The following PHYHIPL variants were observed in gnomAD, a reference collection of about 807,000 sequenced individuals.
PHYHIPL encodes phytanoyl-CoA 2-hydroxylase interacting protein like.
A neutral mutation model predicts 33.4 loss-of-function variants in PHYHIPL; 9 were observed. That is an observed-to-expected ratio of 0.27 (90% CI 0.16 to 0.47). The LOEUF (loss-of-function observed/expected upper bound fraction) is 0.47. Ranked by LOEUF, PHYHIPL falls within the 20% of genes least tolerant of loss-of-function variation. The pLI, the probability that PHYHIPL is intolerant of heterozygous loss-of-function variation, is 0.99. For synonymous variants in PHYHIPL, 153 were observed against 154.1 expected (o/e 0.99, Z 0.05); for missense variants, 365 against 460.7 (o/e 0.79, Z 1.90).
intron 4 of PHYHIPL, among the ~76,000 whole-genome samples, chr10:59,244,587 G>T (rs1338228657): frequency 4.1e-5 from 2 of 48,832 alleles, no homozygotes; most frequent in Non-Finnish European, 9.8e-5. Flanking sequence ...AAAAAAAAAA[G>T]CCAAAACAAA....
chr10:59,203,737 GT>G (rs1015606355), intron 1 of PHYHIPL, among the ~76,000 whole-genome samples: 68 of 147,430 alleles, frequency 4.6e-4, no homozygotes, highest in African/African-American at 1.7e-3. Context: ...TGGACACAGG[GT>G]GGGGAACATC....
At chr10:59,220,020 C>A (rs1446566478) in intron 1 of PHYHIPL, among the ~76,000 whole-genome samples, 1 of 152,070 alleles carries the variant, frequency 6.6e-6, no homozygotes, top group African/African-American at 2.4e-5. Flanking sequence ...ACCCTAAGTT[C>A]AATGTAGCTT....
At chr10:59,204,724 C>T (rs1290052499) in intron 1 of PHYHIPL, among the ~76,000 whole-genome samples, 1 of 152,042 alleles carries the variant, frequency 6.6e-6, no homozygotes, top group African/African-American at 2.4e-5. Context: ...AGTGCCATCT[C>T]CACTATGCTT....
intron 1 of PHYHIPL, among the ~76,000 whole-genome samples, chr10:59,207,546 A>G (rs1198978629): frequency 6.6e-6 from 1 of 152,202 alleles, no homozygotes; most frequent in Non-Finnish European, 1.5e-5. Context: ...AAGTCGCTGT[A>G]GCCAGACTAC....
intron 1 of PHYHIPL, among the ~76,000 whole-genome samples, chr10:59,230,830 G>T (rs563841468): frequency 1.3e-5 from 2 of 152,144 alleles, no homozygotes; most frequent in South Asian, 2.1e-4. Flanking sequence ...TGGCGGGGGG[G>T]CTTCCAGATC....
intron 3 of PHYHIPL, 71 bp downstream of exon 3, chr10:59,236,728 CTT>C (rs1203207480): frequency 1.5e-6 from 2 of 1,325,624 alleles, no homozygotes; most frequent in Non-Finnish European, 2.0e-6. Context: ...AAAAATATTT[CTT>C]TTTTGTAATT....
At position 59,247,466 on chromosome 10, in the gene PHYHIPL, A is replaced by G; in HGVS notation, c.*1875A>G. 1.1e-6 allele frequency: 1 copy of G among 927,538 alleles called. No individual in the cohort carries two copies. The highest frequency in any genetic ancestry group is 1.5e-5 in the South Asian group (1 of 66,960). 57.5% of individuals were successfully genotyped at this position (927,538 alleles called of 1,614,324 possible). ...AAATCCCTTCTCCTTGTATATAATT[A>G]AACTTGCTATTCCTTCTTAAAAACA... On this transcript the variant is annotated 3_prime_UTR_variant, in exon 5 of 5. Transcript: ENST00000373880.
chr10:59,189,471 A>G (rs1007985555), intron 1 of PHYHIPL, among the ~76,000 whole-genome samples: 1 of 152,030 alleles, frequency 6.6e-6, no homozygotes, highest in African/African-American at 2.4e-5. Flanking sequence ...TTCTTGTTCA[A>G]TGATTAATTT....
chr10:59,233,709 T>C (rs1482281781), intron 1 of PHYHIPL, among the ~76,000 whole-genome samples: 2 of 151,796 alleles, frequency 1.3e-5, no homozygotes, highest in Non-Finnish European at 3.0e-5. Flanking sequence ...GCAGTCATCT[T>C]TTTTCTTTTA....
intron 1 of PHYHIPL, among the ~76,000 whole-genome samples, chr10:59,212,562 A>G (rs868853235): frequency 6.6e-6 from 1 of 152,102 alleles, no homozygotes; most frequent in African/African-American, 2.4e-5. Flanking sequence ...CCGTTAACCA[A>G]TCCAGCTGTT....
rs1482536595 is a variant in PHYHIPL at position 59,247,118 on chromosome 10, G to A, written c.*1527G>A. 6.4e-6 allele frequency: 1 copy of A among 156,396 alleles called. No individual in the cohort carries two copies. The highest frequency in any genetic ancestry group is 1.9e-4 in the East Asian group (1 of 5,298). The allele number at this position is 156,396 out of a possible 1,614,324, so 9.7% of individuals were successfully genotyped here. ...AGACTTAAAGGACAAGGTAGTAAAT[G>A]TTTTATCACTCAAAAATCCATTAGA... is the stretch of plus-strand genomic sequence containing the variant. On this transcript the variant is annotated 3_prime_UTR_variant, in exon 5 of 5. Transcript: ENST00000373880.
chr10:59,224,276 T>A (rs986258287), intron 1 of PHYHIPL, among the ~76,000 whole-genome samples: 1 of 152,146 alleles, frequency 6.6e-6, no homozygotes, highest in Non-Finnish European at 1.5e-5. Context: ...AATGAGCTTC[T>A]AAGAAAAATG....
chr10:59,221,345 G>C (rs2133258668), intron 1 of PHYHIPL, among the ~76,000 whole-genome samples: 1 of 152,032 alleles, frequency 6.6e-6, no homozygotes, highest in Admixed American at 6.5e-5. Flanking sequence ...TGCCATTGCT[G>C]TTTTGGCTTT....
chr10:59,217,479 A>G (rs1294818838), intron 1 of PHYHIPL, among the ~76,000 whole-genome samples: 1 of 151,958 alleles, frequency 6.6e-6, no homozygotes, highest in African/African-American at 2.4e-5. Context: ...ATTTTTCTCT[A>G]TAATATACAA....
At chr10:59,234,714 A>G (rs1386049183) in intron 2 of PHYHIPL, among the ~76,000 whole-genome samples, 1 of 151,836 alleles carries the variant, frequency 6.6e-6, no homozygotes, top group African/African-American at 2.4e-5. Flanking sequence ...ATAATTTTCA[A>G]AAAAAGGTAA....
In PHYHIPL at chr10:59,247,451, T is replaced by C; in HGVS notation, c.*1860T>C. 1.2e-6 allele frequency: 1 copy of C among 817,484 alleles called. No individual in the cohort carries two copies. Among genetic ancestry groups the C allele is most frequent in the Middle Eastern group, 3.2e-4 (1 of 3,138 alleles). The allele number at this position is 817,484 out of a possible 1,614,324, so 50.6% of individuals were successfully genotyped here. On this transcript the variant is annotated 3_prime_UTR_variant, in exon 5 of 5. Coordinates refer to ENST00000373880, the MANE Select transcript of PHYHIPL (RefSeq NM_032439.4). ...TTCTTCCCCCCGTTTAAATCCCTTC[T>C]CCTTGTATATAATTAAACTTGCTAT... is the stretch of plus-strand genomic sequence containing the variant.
At chr10:59,184,918 C>T (rs965898328) in intron 1 of PHYHIPL, among the ~76,000 whole-genome samples, 17 of 148,734 alleles carry the variant, frequency 1.1e-4, no homozygotes, top group South Asian at 2.1e-4. Context: ...TTTGTCCTTG[C>T]GATAGTTTGC....
chr10:59,206,713 C>T (rs1390347498), intron 1 of PHYHIPL: 4 of 947,682 alleles, frequency 4.2e-6, no homozygotes, highest in Non-Finnish European at 5.5e-6. Context: ...TGTAAAAGTA[C>T]ATAACTAAAA....
chr10:59,224,071 A>G (rs1372251995), intron 1 of PHYHIPL, among the ~76,000 whole-genome samples: 1 of 152,152 alleles, frequency 6.6e-6, no homozygotes, highest in Non-Finnish European at 1.5e-5. Flanking sequence ...TTCCAAGTCC[A>G]TGGACTTTTC....
Sources: gnomAD v4.1 joint callset for allele counts (sites outside exome capture counted in the v4.1 genomes callset) on GRCh38, gnomAD v4.1.1 for gene constraint, MANE v1.5 for transcripts, NCBI Gene and HGNC (gene_info 2026-07-23, HGNC 2026-07-21) for gene names.